The following MFSD6 variants were observed in gnomAD, a reference collection of about 807,000 sequenced individuals.
The protein encoded by MFSD6 is major facilitator superfamily domain-containing protein 6.
A neutral mutation model predicts 56.3 loss-of-function variants in MFSD6; 26 were observed. That is an observed-to-expected ratio of 0.46 (90% CI 0.34 to 0.64). The LOEUF (loss-of-function observed/expected upper bound fraction) is 0.64, where lower values mean the gene tolerates loss of function less well. Among genes scored for constraint, MFSD6 ranks in the 30% least tolerant of loss-of-function variants. MFSD6 has a pLI of 0.01. For synonymous variants in MFSD6, 331 were observed against 366.9 expected, an observed-to-expected ratio of 0.90 and a Z score of 1.12; for missense variants, 750 against 986.2, an observed-to-expected ratio of 0.76 and a Z score of 3.21.
chr2:190,484,668 G>A (rs1056614590), intron 4 of MFSD6, among the ~76,000 whole-genome samples: 6 of 152,116 alleles, frequency 3.9e-5, no homozygotes, highest in East Asian at 1.9e-4. Context: ...GTTTATGAAC[G>A]AGAACTGCAG....
chr2:190,437,372 G>T lies in MFSD6; in HGVS notation c.1343G>T (p.Gly448Val). The change falls in exon 3 of 8, where the codon GGC (glycine) becomes GTC (valine). Residue 448 changes from glycine (G) to valine (V), a missense_variant. Physicochemically the swap from Gly to Val is moderately radical, Grantham distance 109 (BLOSUM62 -3). Around this residue, in one of 5 missense-constraint regions of MFSD6, gnomAD observed 376 missense variants for 437.9 expected, o/e 0.86. Coordinates refer to ENST00000392328, the MANE Select transcript of MFSD6 (RefSeq NM_017694.4). This position sits in a 1 kb window ranked among gnomAD's most constrained non-coding sequence, Gnocchi z 5.9. ...AAGCTGCTCTGCAGCGTGCAGTATG[G>T]CTCAGTGCTGTTTGTGGCTTGGTTC... is the stretch of plus-strand genomic sequence containing the variant. Reference protein sequence around the residue: ...LIKLLCSVQYGSVLFVAWFMG... With the variant: ...LIKLLCSVQYVSVLFVAWFMG... 6.2e-7 allele frequency: 1 copy of T among 1,614,236 alleles called. No homozygotes were observed. Among genetic ancestry groups the T allele is most frequent in the African/African-American group, 1.3e-5 (1 of 75,058 alleles).
At chr2:190,464,358 C>G (rs904857216) in intron 3 of MFSD6, among the ~76,000 whole-genome samples, 8 of 152,092 alleles carry the variant, frequency 5.3e-5, no homozygotes, top group African/African-American at 1.9e-4. Context: ...AATAGGGGTT[C>G]TCTGGTGGTG....
At position 190,454,091 on chromosome 2, in the gene MFSD6, A is replaced by G. The variant is rs924797955; in HGVS notation, c.1533-15667A>G. Reference sequence around the variant, plus strand: ...AAAATTATTGTAGGCCTCGCAATTTATAGTTTTAACAAATATTTTTATTGT... The same window carrying G: ...AAAATTATTGTAGGCCTCGCAATTTGTAGTTTTAACAAATATTTTTATTGT... On this transcript the variant is annotated intron_variant, in intron 3 of 7. Transcript: ENST00000392328. The surrounding 1 kb of genome is among the most constrained non-coding windows in gnomAD (Gnocchi z 4.6). The G allele has an allele frequency of 3.9e-5, 6 of 152,186 alleles. No homozygotes were observed. Among genetic ancestry groups the G allele is most frequent in the Non-Finnish European group, 8.8e-5 (6 of 68,032 alleles). The allele number at this position is 152,186 out of a possible 1,614,324, so 9.4% of individuals were successfully genotyped here.
In MFSD6 at chr2:190,496,658, ATG is replaced by A. The variant is rs759651534; in HGVS notation, c.1892-773_1892-772del. 2.0e-5 allele frequency among the ~76,000 whole-genome samples: 3 copies of A among 151,794 alleles called. No homozygotes were observed. Among genetic ancestry groups the A allele is most frequent in the Non-Finnish European group, 2.9e-5 (2 of 67,992 alleles). On this transcript the variant is annotated intron_variant, in intron 6 of 7. Transcript: ENST00000392328. This position sits in a 1 kb window ranked among gnomAD's most constrained non-coding sequence, Gnocchi z 4.7. ...TGTGTATATATATGTATATGTGTAT[ATG>A]TGTGTGTATGTGTGTGTGTATATAC...
Position 190,491,958 on chromosome 2 carries a change from A to G in MFSD6, c.1891+2092A>G, listed in dbSNP as rs993272929. 6.6e-6 allele frequency among the ~76,000 whole-genome samples: 1 copy of G among 152,218 alleles called. No individual in the cohort carries two copies. The highest frequency in any genetic ancestry group is 2.1e-4 in the South Asian group (1 of 4,832). On this transcript the variant is annotated intron_variant, in intron 6 of 7. Transcript: ENST00000392328. This position sits in a 1 kb window ranked among gnomAD's most constrained non-coding sequence, Gnocchi z 4.2. ...ATCTTCAATGAGATAGATAGCATAA[A>G]TAAGAAACAGTTACAACTTCAGGAA...
chr2:190,408,198 C>G (rs1008330075), upstream of MFSD6, among the ~76,000 whole-genome samples: 1 of 151,888 alleles, frequency 6.6e-6, no homozygotes, highest in Non-Finnish European at 1.5e-5. Flanking sequence ...CGGTAGTGAC[C>G]GGCGGCGGCG....
chr2:190,453,829 T>G (rs1341267384), intron 3 of MFSD6, among the ~76,000 whole-genome samples: 1 of 152,234 alleles, frequency 6.6e-6, no homozygotes, highest in African/African-American at 2.4e-5. Context: ...CTTGGGCTTA[T>G]CTGGTAAGTG....
rs1690656276 is a variant in MFSD6, at chr2:190,413,595, C to T, written c.-175-1697C>T. Among the ~76,000 whole-genome samples the T allele has an allele frequency of 6.6e-6, 1 of 152,096 alleles. No homozygotes were observed. Among genetic ancestry groups the T allele is most frequent in the Non-Finnish European group, 1.5e-5 (1 of 68,026 alleles). The stretch of plus-strand genomic sequence containing the variant: ...ATGAATCAGCAGTGGGCAGAGTGAG[C>T]TCTGGTGTGTGGCTTTGAGGAGGAT... On this transcript the variant is annotated intron_variant, in intron 1 of 7. Transcript: ENST00000392328. The surrounding 1 kb of genome is among the most constrained non-coding windows in gnomAD (Gnocchi z 4.1).
intron 2 of MFSD6, among the ~76,000 whole-genome samples, chr2:190,422,277 G>A (rs376477844): frequency 1.1e-4 from 16 of 152,258 alleles, no homozygotes; most frequent in African/African-American, 3.6e-4. Context: ...GAAACCTTCA[G>A]TCCTATTCCC....
intron 1 of MFSD6, among the ~76,000 whole-genome samples, chr2:190,414,788 TTAAA>T (rs1315437011): frequency 2.0e-5 from 3 of 152,158 alleles, no homozygotes; most frequent in East Asian, 1.9e-4. Flanking sequence ...AAGAAAAAAA[TTAAA>T]TAAGTCCTAA....
chr2:190,482,528 A>G (rs1688732500), intron 4 of MFSD6, among the ~76,000 whole-genome samples: 1 of 152,000 alleles, frequency 6.6e-6, no homozygotes, highest in Admixed American at 6.6e-5. Flanking sequence ...AGTAAGCTTA[A>G]GTCAGTGGCA....
Position 190,412,121 on chromosome 2 carries a change from A to C in MFSD6, c.-175-3171A>C. 1 of 984,178 alleles carries C rather than the reference A, an allele frequency of 1.0e-6. No individual in the cohort carries two copies. The highest frequency in any genetic ancestry group is 1.2e-6 in the Non-Finnish European group (1 of 828,782). The allele number at this position is 984,178 out of a possible 1,614,324, so 61.0% of individuals were successfully genotyped here. On this transcript the variant is annotated intron_variant, in intron 1 of 7. Coordinates refer to ENST00000392328, the MANE Select transcript of MFSD6 (RefSeq NM_017694.4). This position sits in a 1 kb window ranked among gnomAD's most constrained non-coding sequence, Gnocchi z 4.1. ...ATGTACTTGTTAAATACAGTCCCAT[A>C]GTTCTATCCAATTCTATGTAAAATT... is the stretch of plus-strand genomic sequence containing the variant.
chr2:190,411,156 CAGT>C (rs201889758), intron 1 of MFSD6: 30,369 of 835,194 alleles, frequency 0.036, 26 homozygotes, highest in Middle Eastern at 0.055. Flanking sequence ...AAACTGTTGA[CAGT>C]AGTTTTTTTT....
intron 2 of MFSD6, among the ~76,000 whole-genome samples, chr2:190,420,090 A>T (rs1044761541): frequency 4.7e-5 from 7 of 149,698 alleles, no homozygotes; most frequent in Non-Finnish European, 8.9e-5. Flanking sequence ...ATTAAGACTC[A>T]GACATTAAAA....
Position 190,425,823 on chromosome 2 carries a change from C to CT in MFSD6, c.-53-10147dup, listed in dbSNP as rs1685768570. The stretch of plus-strand genomic sequence containing the variant: ...GTAGTTTTCTGTTTTTTTGGACAGT[C>CT]TTTTTTTCTGGATATAGCATTCTGC... On this transcript the variant is annotated intron_variant, in intron 2 of 7. Transcript: ENST00000392328. This position sits in a 1 kb window ranked among gnomAD's most constrained non-coding sequence, Gnocchi z 4.3. Among the ~76,000 whole-genome samples the CT allele has an allele frequency of 6.6e-6, 1 of 151,916 alleles. No individual in the cohort carries two copies. Among genetic ancestry groups the CT allele is most frequent in the Non-Finnish European group, 1.5e-5 (1 of 67,938 alleles).
Position 190,454,983 on chromosome 2 carries a change from TGTATATGTATATGTATAA to T in MFSD6, c.1533-14774_1533-14757del, listed in dbSNP as rs1371246586. 2.3e-5 allele frequency among the ~76,000 whole-genome samples: 2 copies of T among 86,150 alleles called. No individual in the cohort carries two copies. The highest frequency in any genetic ancestry group is 6.2e-5 in the African/African-American group (2 of 32,168). The allele number at this position is 86,150 out of a possible 152,430, so 56.5% of individuals were successfully genotyped here. A position where few individuals can be genotyped will look rare whatever the true frequency, so the allele number is the denominator to read the frequency against. On this transcript the variant is annotated intron_variant, in intron 3 of 7. Coordinates refer to ENST00000392328, the MANE Select transcript of MFSD6 (RefSeq NM_017694.4). This position sits in a 1 kb window ranked among gnomAD's most constrained non-coding sequence, Gnocchi z 4.6. ...ATGTATATGTATATGTATATGTATA[TGTATATGTATATGTATAA>T]TGTATATGTATATGTATATGTGTGT...
intron 2 of MFSD6, among the ~76,000 whole-genome samples, chr2:190,430,284 TGGA>T (rs1255151218): frequency 5.0e-4 from 74 of 148,884 alleles, no homozygotes; most frequent in African/African-American, 1.8e-3. Flanking sequence ...AGGATAGTAG[TGGA>T]GGGAAGGTCA....
rs143171867 is a variant in MFSD6, at chr2:190,492,017, C to G, written c.1891+2151C>G. On this transcript the variant is annotated intron_variant, in intron 6 of 7. Transcript: ENST00000392328. The surrounding 1 kb of genome is among the most constrained non-coding windows in gnomAD (Gnocchi z 5.2). The stretch of plus-strand genomic sequence containing the variant: ...CACACTTACAGAAATGCAAAATGTT[C>G]TGGAAAGTCTCAGCAACAGAATCGA... 1.1e-3 allele frequency among the ~76,000 whole-genome samples: 173 copies of G among 152,264 alleles called. No individual in the cohort carries two copies. Among genetic ancestry groups the G allele is most frequent in the African/African-American group, 3.9e-3 (161 of 41,560 alleles).
chr2:190,497,503 C>A lies in MFSD6; in HGVS notation c.1956C>A (p.Asp652Glu). 6.2e-7 allele frequency: 1 copy of A among 1,614,188 alleles called. No homozygotes were observed. The highest frequency in any genetic ancestry group is 8.5e-7 in the Non-Finnish European group (1 of 1,180,018). ...PSSPVPIATI[D>E]LVQQQTEDVM... ...GTCCCGTTCCTATAGCAACCATCGA[C>A]TTGGTACAGCAACAGACAGAAGATG... Residue 652 changes from aspartate (D) to glutamate (E), a missense_variant, in exon 7 of 8, where the codon GAC (aspartate) becomes GAA (glutamate). Physicochemically the swap from Asp to Glu is conservative, Grantham distance 45. Around this residue, in one of 5 missense-constraint regions of MFSD6, gnomAD observed 172 missense variants for 203.9 expected, o/e 0.84. Coordinates refer to ENST00000392328, the MANE Select transcript of MFSD6 (RefSeq NM_017694.4). This position sits in a 1 kb window ranked among gnomAD's most constrained non-coding sequence, Gnocchi z 5.2.
Sources: allele counts gnomAD v4.1 joint callset (sites outside exome capture counted in the v4.1 genomes callset), GRCh38; gene constraint gnomAD v4.1.1; regional missense constraint gnomAD v4.1.1; non-coding constraint Gnocchi (gnomAD v3.1); transcripts MANE v1.5; gene names NCBI Gene and HGNC (gene_info 2026-07-23, HGNC 2026-07-21).